Variants in EHD4 observed in about 807,000 individuals in gnomAD.
EHD4 encodes EH domain-containing protein 4.
Under a neutral mutation model 51.0 loss-of-function variants are expected in EHD4, and 37 were observed. That is an observed-to-expected ratio of 0.73 (90% CI 0.56 to 0.95). The LOEUF (loss-of-function observed/expected upper bound fraction) is 0.95, where lower values mean the gene tolerates loss of function less well. EHD4 is among the 40% of genes least tolerant of loss of function. The pLI is 0.00. For synonymous variants in EHD4, 297 were observed against 317.3 expected (o/e 0.94, Z 0.68); for missense variants, 632 against 733.1 (o/e 0.86, Z 1.59).
rs1426542726 is a variant in EHD4, at chr15:41,900,597, C to T, written c.*48G>A. The T allele has an allele frequency of 6.7e-7, 1 of 1,503,490 alleles. No individual in the cohort carries two copies. Among genetic ancestry groups the T allele is most frequent in the Admixed American group, 2.0e-5 (1 of 50,844 alleles). The allele number at this position is 1,503,490 out of a possible 1,614,324, so 93.1% of individuals were successfully genotyped here. ...TTCGGTGAGTCAGTGGTGGAGCAGGCCTGAGGCCCAGGTCCCCCAGTTCCC... is the reference window on the plus strand; with the variant it reads ...TTCGGTGAGTCAGTGGTGGAGCAGGTCTGAGGCCCAGGTCCCCCAGTTCCC... On this transcript the variant is annotated 3_prime_UTR_variant, in exon 6 of 6. Coordinates refer to ENST00000220325, the MANE Select transcript of EHD4 (RefSeq NM_139265.4). The surrounding 1 kb of genome is among the most constrained non-coding windows in gnomAD (Gnocchi z 4.8).
chr15:41,929,655 A>G (rs984177145), intron 3 of EHD4, among the ~76,000 whole-genome samples: 1 of 152,220 alleles, frequency 6.6e-6, no homozygotes, highest in Non-Finnish European at 1.5e-5. Flanking sequence ...AAACCTACCA[A>G]GAAAATCCTG....
In EHD4 at chr15:41,897,027, A is replaced by G. The variant is rs1595526587; in HGVS notation, c.*3618T>C. 6.6e-6 allele frequency: 1 copy of G among 152,170 alleles called. No homozygotes were observed. Among genetic ancestry groups the G allele is most frequent in the Non-Finnish European group, 1.5e-5 (1 of 68,026 alleles). 9.4% of individuals were successfully genotyped at this position (152,170 alleles called of 1,614,324 possible). Reference sequence around the variant, plus strand: ...TGAGCCAGTGGGAGAGGGCAGCTCCATGTTTATTGATCAGCAGACTATGTC... The same window carrying G: ...TGAGCCAGTGGGAGAGGGCAGCTCCGTGTTTATTGATCAGCAGACTATGTC... On this transcript the variant is annotated 3_prime_UTR_variant, in exon 6 of 6. Transcript: ENST00000220325.
chr15:41,924,040 TTGTTGAGTGATTACCTGA>T (rs1261256706), intron 3 of EHD4, among the ~76,000 whole-genome samples: 2 of 152,228 alleles, frequency 1.3e-5, no homozygotes, highest in Admixed American at 1.3e-4. Flanking sequence ...TAAGATCGGG[TTGTTGAGTGATTACCTGA>T]GAAAATGCTT....
At chr15:41,961,329 C>T (rs2067923114) in intron 1 of EHD4, among the ~76,000 whole-genome samples, 1 of 152,236 alleles carries the variant, frequency 6.6e-6, no homozygotes, top group Non-Finnish European at 1.5e-5. Flanking sequence ...TCACTAGAAT[C>T]AAATCAGTTT....
At chr15:41,920,219 A>AT (rs908157199) in intron 3 of EHD4, among the ~76,000 whole-genome samples, 3 of 152,182 alleles carry the variant, frequency 2.0e-5, no homozygotes, top group Admixed American at 6.5e-5. Flanking sequence ...TATTGTGAAT[A>AT]TTTTTTTAAC....
chr15:41,965,714 C>A lies in EHD4; in HGVS notation c.236+6545G>T, dbSNP rs556665042. Among the ~76,000 whole-genome samples the A allele has an allele frequency of 3.9e-5, 6 of 152,270 alleles. No individual in the cohort carries two copies. In the South Asian group the frequency reaches 1.2e-3, roughly 32 times the overall value. On this transcript the variant is annotated intron_variant, in intron 1 of 5. Transcript: ENST00000220325. ...CAGAAGGAACCACGGCCTTCTGGTT[C>A]GAGGTTTTGAAAAGGACATTGAACA...
chr15:41,898,218 CACCT>C lies in EHD4; in HGVS notation c.*2423_*2426del, dbSNP rs1297307019. 6.6e-6 allele frequency: 1 copy of C among 152,208 alleles called. No individual in the cohort carries two copies. Among genetic ancestry groups the C allele is most frequent in the East Asian group, 1.9e-4 (1 of 5,200 alleles). The allele number at this position is 152,208 out of a possible 1,614,324, so 9.4% of individuals were successfully genotyped here. On this transcript the variant is annotated 3_prime_UTR_variant, in exon 6 of 6. Coordinates refer to ENST00000220325, the MANE Select transcript of EHD4 (RefSeq NM_139265.4). ...GGACTCCGCTGCCTGACGCCTCTCCCACCTGAGAGCGCAGAGGTAGGGAGATCAC... is the reference window on the plus strand; with the variant it reads ...GGACTCCGCTGCCTGACGCCTCTCCCGAGAGCGCAGAGGTAGGGAGATCAC...
chr15:41,961,510 T>A (rs2067924283), intron 1 of EHD4, among the ~76,000 whole-genome samples: 1 of 152,212 alleles, frequency 6.6e-6, no homozygotes, highest in Admixed American at 6.5e-5. Context: ...ACACAGCATA[T>A]CCCAAAGTTA....
chr15:41,972,519 G>A lies in EHD4; in HGVS notation c.-25C>T. 1 of 1,478,970 alleles carries A rather than the reference G, an allele frequency of 6.8e-7. No homozygotes were observed. Among genetic ancestry groups the A allele is most frequent in the East Asian group, 2.7e-5 (1 of 36,880 alleles). The allele number at this position is 1,478,970 out of a possible 1,614,324, so 91.6% of individuals were successfully genotyped here. ...TCCTGCCGCCAGTCCACGCTCGGAT[G>A]GGACCCTGCTCCGGGTTCGACTCTC... is the stretch of plus-strand genomic sequence containing the variant. On this transcript the variant is annotated 5_prime_UTR_variant, in exon 1 of 6. Transcript: ENST00000220325.
chr15:41,902,105 A>T (rs142896689), intron 5 of EHD4, among the ~76,000 whole-genome samples: 148 of 152,320 alleles, frequency 9.7e-4, no homozygotes, highest in African/African-American at 3.5e-3. Flanking sequence ...ACAGAGCAGC[A>T]GAAGCACAGG....
chr15:41,962,972 G>C (rs1013434639), intron 1 of EHD4, among the ~76,000 whole-genome samples: 1 of 152,234 alleles, frequency 6.6e-6, no homozygotes, highest in Admixed American at 6.5e-5. Context: ...GCCTTGGGAT[G>C]CTGTTAATCT....
At chr15:41,940,055 G>A (rs916874782) in intron 3 of EHD4, among the ~76,000 whole-genome samples, 4 of 152,232 alleles carry the variant, frequency 2.6e-5, no homozygotes, top group Non-Finnish European at 5.9e-5. Context: ...CTGAACTCAA[G>A]GGATCCTCGT....
Position 41,909,874 on chromosome 15 carries a change from A to G in EHD4, c.925-11T>C. On this transcript the variant is annotated splice_polypyrimidine_tract_variant and intron_variant, in intron 4 of 5. Coordinates refer to ENST00000220325, the MANE Select transcript of EHD4 (RefSeq NM_139265.4). ...GATGTAGGCATGCACCTGGAGGGGT[A>G]TAGATCAGGCAGGGAAGTGTCATTT... 6.2e-7 allele frequency: 1 copy of G among 1,614,096 alleles called. No individual in the cohort carries two copies. Among genetic ancestry groups the G allele is most frequent in the South Asian group, 1.1e-5 (1 of 91,076 alleles).
chr15:41,955,925 G>A (rs1044429815), intron 1 of EHD4, among the ~76,000 whole-genome samples: 3 of 152,212 alleles, frequency 2.0e-5, no homozygotes, highest in African/African-American at 4.8e-5. Context: ...CTCCACTCAC[G>A]TCCAGTTTGA....
intron 5 of EHD4, among the ~76,000 whole-genome samples, chr15:41,902,773 GTGTGTATATATATGTA>G (rs1351075523): frequency 5.7e-4 from 85 of 148,864 alleles, no homozygotes; most frequent in East Asian, 3.6e-3. Flanking sequence ...ATATATGTAT[GTGTGTATATATATGTA>G]TGTGTATATA....
intron 3 of EHD4, among the ~76,000 whole-genome samples, chr15:41,936,959 G>A (rs2067735459): frequency 6.6e-6 from 1 of 152,236 alleles, no homozygotes; most frequent in African/African-American, 2.4e-5. Context: ...AGCCCTGGCT[G>A]GAAAACAGGA....
chr15:41,907,521 C>A (rs754881907), intron 5 of EHD4, among the ~76,000 whole-genome samples: 1 of 152,056 alleles, frequency 6.6e-6, no homozygotes, highest in Non-Finnish European at 1.5e-5. Context: ...GTTGTGTGTG[C>A]GTGTATATAT....
intron 3 of EHD4, among the ~76,000 whole-genome samples, chr15:41,925,732 A>C (rs562649418): frequency 6.6e-6 from 1 of 152,356 alleles, no homozygotes; most frequent in South Asian, 2.1e-4. Flanking sequence ...ACTAGGAGAA[A>C]GAATTTGTCC....
At chr15:41,956,115 C>T (rs1341291755) in intron 1 of EHD4, among the ~76,000 whole-genome samples, 2 of 152,234 alleles carry the variant, frequency 1.3e-5, no homozygotes, top group African/African-American at 4.8e-5. Context: ...TGAAGCTTGA[C>T]AGGCACTTTG....
Sources: allele counts gnomAD v4.1 joint callset (sites outside exome capture counted in the v4.1 genomes callset), GRCh38; gene constraint gnomAD v4.1.1; non-coding constraint Gnocchi (gnomAD v3.1); transcripts MANE v1.5; gene names NCBI Gene and HGNC (gene_info 2026-07-23, HGNC 2026-07-21).